Variants in YEATS2 observed in about 807,000 individuals in gnomAD.
The protein encoded by YEATS2 is YEATS domain-containing protein 2.
In YEATS2, 77 loss-of-function variants were observed where a neutral mutation model predicts 163.2. That is an observed-to-expected ratio of 0.47 (90% CI 0.39 to 0.57). The LOEUF (loss-of-function observed/expected upper bound fraction) is 0.57. Among genes scored for constraint, YEATS2 ranks in the 20% least tolerant of loss-of-function variants. The pLI is 0.00. For missense variants in YEATS2, 1,549 were observed against 1,729.8 expected (o/e 0.90, Z 1.85); for synonymous variants, 631 against 645.1 (o/e 0.98, Z 0.33).
Position 183,712,184 on chromosome 3 carries a change from G to GTTATTTTATTTTATTTTATTTTATT in YEATS2, c.-19-2958_-19-2957insATTTTATTTTATTTTATTTTATTTT, listed in dbSNP as rs1384248257. ...GAGTATTTTTGAGTTAGCATTTTAT[G>GTTATTTTATTTTATTTTATTTTATT]TTCTTTTATTTTATTTTATTTTATT... On this transcript the variant is annotated intron_variant, in intron 1 of 30. Transcript: ENST00000305135. 2.5e-3 allele frequency among the ~76,000 whole-genome samples: 308 copies of GTTATTTTATTTTATTTTATTTTATT among 121,370 alleles called. 9 individuals carry two copies. Among genetic ancestry groups the GTTATTTTATTTTATTTTATTTTATT allele is most frequent in the East Asian group, 0.012 (55 of 4,610 alleles). 79.6% of individuals were successfully genotyped at this position (121,370 alleles called of 152,430 possible).
chr3:183,702,791 G>A (rs186320701), intron 1 of YEATS2, among the ~76,000 whole-genome samples: 102 of 151,004 alleles, frequency 6.8e-4, no homozygotes, highest in African/African-American at 2.3e-3. Flanking sequence ...CCAAGATTGC[G>A]CCACTGCACT....
intron 15 of YEATS2, among the ~76,000 whole-genome samples, chr3:183,766,237 T>G (rs1721893550): frequency 6.6e-6 from 1 of 152,184 alleles, no homozygotes; most frequent in Non-Finnish European, 1.5e-5. Context: ...TGAGCCCTGG[T>G]CTTTCAGGGT....
intron 24 of YEATS2, chr3:183,801,035 C>T (rs1279002285): frequency 5.9e-6 from 1 of 170,596 alleles, no homozygotes; most frequent in Non-Finnish European, 1.3e-5. Flanking sequence ...TTCTGACCAG[C>T]TACTTTTAAG....
intron 20 of YEATS2, 56 bp from the exon 21 acceptor site, chr3:183,790,741 G>T: frequency 6.3e-7 from 1 of 1,582,174 alleles, no homozygotes; most frequent in South Asian, 1.1e-5. Context: ...ACCGCCGTCA[G>T]TCATCACTCT....
intron 4 of YEATS2, among the ~76,000 whole-genome samples, chr3:183,720,412 T>G (rs1716370953): frequency 6.6e-6 from 1 of 152,240 alleles, no homozygotes; most frequent in Non-Finnish European, 1.5e-5. Context: ...CTAAGTGTTT[T>G]CAGCTGGAAT....
At chr3:183,756,219 A>G (rs1191910431) in intron 11 of YEATS2, among the ~76,000 whole-genome samples, 2 of 152,228 alleles carry the variant, frequency 1.3e-5, no homozygotes, top group Non-Finnish European at 2.9e-5. Flanking sequence ...GCATACCAGG[A>G]GATCTTGTTG....
At chr3:183,802,520 T>TATATGTATACACGTGTATATATATACAC in intron 25 of YEATS2, 2 of 151,846 alleles carry the variant, frequency 1.3e-5, no homozygotes, top group African/African-American at 4.8e-5. Flanking sequence ...TATACATGTA[T>TATATGTATACACGTGTATATATATACAC]ATATATATAC....
intron 13 of YEATS2, among the ~76,000 whole-genome samples, chr3:183,760,930 C>T (rs770646222): frequency 6.6e-6 from 1 of 152,066 alleles, no homozygotes; most frequent in Non-Finnish European, 1.5e-5. Flanking sequence ...TAAAGTCAGC[C>T]AAATGTTAGG....
chr3:183,705,022 A>G (rs1306813682), intron 1 of YEATS2, among the ~76,000 whole-genome samples: 1 of 152,016 alleles, frequency 6.6e-6, no homozygotes, highest in Non-Finnish European at 1.5e-5. Flanking sequence ...ATTACCAGAT[A>G]TATATCTATA....
chr3:183,756,206 G>A (rs1048052767), intron 11 of YEATS2, among the ~76,000 whole-genome samples: 3 of 152,140 alleles, frequency 2.0e-5, no homozygotes, highest in Non-Finnish European at 4.4e-5. Flanking sequence ...TGAACTATAA[G>A]GTGCATACCA....
intron 1 of YEATS2, among the ~76,000 whole-genome samples, chr3:183,714,182 T>A: frequency 6.6e-6 from 1 of 151,302 alleles, no homozygotes; most frequent in South Asian, 2.1e-4. Context: ...AGTAAAGGTC[T>A]AGAGGATTTA....
At position 183,798,909 on chromosome 3, in the gene YEATS2, C is replaced by T. The variant is rs1006455451; in HGVS notation, c.3245C>T (p.Thr1082Ile). The change falls in exon 23 of 31, where the codon ACC becomes ATC. Residue 1082 changes from threonine (T) to isoleucine (I), a missense_variant. Coordinates refer to ENST00000305135, the MANE Select transcript of YEATS2 (RefSeq NM_018023.5). ...CCTTTAGTGGTTCAGTCATTTTCTA[C>T]CAGCAAGCCACCTGCCATTCTGCCT... Reference protein sequence around the residue: ...PVNKVVQSFSTSKPPAILPVA... With the variant: ...PVNKVVQSFSISKPPAILPVA... The T allele has an allele frequency of 6.2e-7, 1 of 1,613,974 alleles. No individual in the cohort carries two copies. The highest frequency in any genetic ancestry group is 8.5e-7 in the Non-Finnish European group (1 of 1,179,842).
intron 23 of YEATS2, 99 bp downstream of exon 23, chr3:183,799,088 T>G (rs942018608): frequency 1.9e-5 from 17 of 874,446 alleles, no homozygotes; most frequent in African/African-American, 6.7e-5. Context: ...TGCGGGACAT[T>G]ACCATAATCT....
chr3:183,806,204 T>A (rs1726180047), intron 27 of YEATS2: 1 of 422,556 alleles, frequency 2.4e-6, no homozygotes, highest in Admixed American at 3.0e-5. Context: ...CAACTTACGA[T>A]GGGTTTTTCA....
rs972428626 is a variant in YEATS2 at position 183,756,676 on chromosome 3, C to G, written c.1539C>G (p.Thr513=). Residue 513 remains threonine (T), a synonymous_variant, in exon 12 of 31, where the codon ACC becomes ACG. Transcript: ENST00000305135. ...AGCCGGGGCAGGTGATTGGAGCCACCACTCCCAGTACAGGTGTGTATTAGA... is the reference window on the plus strand; with the variant it reads ...AGCCGGGGCAGGTGATTGGAGCCACGACTCCCAGTACAGGTGTGTATTAGA... ...DKQPGQVIGA[T]TPSTGSPTNK... is the part of the protein sequence containing the mutation. 2.5e-6 allele frequency: 4 copies of G among 1,585,054 alleles called. No homozygotes were observed. The highest frequency in any genetic ancestry group is 3.4e-6 in the Non-Finnish European group (4 of 1,165,642).
chr3:183,805,998 G>A (rs1726159773), intron 27 of YEATS2, among the ~76,000 whole-genome samples: 1 of 151,948 alleles, frequency 6.6e-6, no homozygotes, highest in African/African-American at 2.4e-5. Flanking sequence ...CACAGTACTT[G>A]CACATACTAG....
intron 19 of YEATS2, among the ~76,000 whole-genome samples, 176 bp from the exon 20 acceptor site, chr3:183,785,949 G>A (rs1560313742): frequency 6.6e-6 from 1 of 152,184 alleles, no homozygotes; most frequent in Non-Finnish European, 1.5e-5. Context: ...ATAGGTGAAA[G>A]GTCATAAAAT....
intron 8 of YEATS2, among the ~76,000 whole-genome samples, chr3:183,746,371 G>A (rs1166214851): frequency 6.6e-6 from 1 of 152,148 alleles, no homozygotes. Flanking sequence ...GTTGATTTTT[G>A]AAATAATACA....
intron 18 of YEATS2, among the ~76,000 whole-genome samples, chr3:183,776,342 G>A (rs559880259): frequency 4.6e-5 from 7 of 151,966 alleles, no homozygotes; most frequent in Non-Finnish European, 7.4e-5. Flanking sequence ...CCAGGAGTTC[G>A]AGACCAACCT....
Sources: gnomAD v4.1 joint callset for allele counts (sites outside exome capture counted in the v4.1 genomes callset) on GRCh38, gnomAD v4.1.1 for gene constraint, MANE v1.5 for transcripts, NCBI Gene and HGNC (gene_info 2026-07-23, HGNC 2026-07-21) for gene names.